NPAS3: variants seen among roughly 807,000 people sequenced by gnomAD.
The protein encoded by NPAS3 is neuronal PAS domain-containing protein 3.
A neutral mutation model predicts 73.1 loss-of-function variants in NPAS3; 14 were observed. That is an observed-to-expected ratio of 0.19 (90% CI 0.13 to 0.30). NPAS3 has a LOEUF of 0.30. Ranked by LOEUF, NPAS3 falls within the 10% of genes least tolerant of loss-of-function variation. The pLI is 1.00. For synonymous variants in NPAS3, 620 were observed against 541.5 expected, an observed-to-expected ratio of 1.14 and a Z score of -2.01; for missense variants, 1,096 against 1,250.0, an observed-to-expected ratio of 0.88 and a Z score of 1.86.
chr14:33,010,207 T>G (rs1333272312), intron 1 of NPAS3, among the ~76,000 whole-genome samples: 1 of 152,262 alleles, frequency 6.6e-6, no homozygotes, highest in Non-Finnish European at 1.5e-5. Flanking sequence ...GGAGATGTTG[T>G]ATAGTTAGCA....
At chr14:33,354,755 C>T (rs182620930) in intron 3 of NPAS3, among the ~76,000 whole-genome samples, 136 of 152,296 alleles carry the variant, frequency 8.9e-4, no homozygotes, top group South Asian at 3.5e-3. Flanking sequence ...ACTCATACTG[C>T]GCTCTGGCTT....
At chr14:33,111,917 T>C (rs1192959686) in intron 2 of NPAS3, among the ~76,000 whole-genome samples, 2 of 149,100 alleles carry the variant, frequency 1.3e-5, no homozygotes, top group Non-Finnish European at 3.0e-5. Flanking sequence ...GAACATGCGG[T>C]GTTTGGTTTT....
chr14:33,537,282 G>T (rs1305990725), intron 4 of NPAS3, among the ~76,000 whole-genome samples: 1 of 152,196 alleles, frequency 6.6e-6, no homozygotes, highest in African/African-American at 2.4e-5. Context: ...ACTGATGGCA[G>T]CTTCCCTAAT....
At chr14:33,202,747 T>A (rs1333535591) in intron 2 of NPAS3, among the ~76,000 whole-genome samples, 2 of 151,916 alleles carry the variant, frequency 1.3e-5, no homozygotes, top group African/African-American at 2.4e-5. Flanking sequence ...ACATGTATGA[T>A]TTCTTCTGAT....
At chr14:33,269,917 A>T (rs1478233426) in intron 3 of NPAS3, among the ~76,000 whole-genome samples, 1 of 152,178 alleles carries the variant, frequency 6.6e-6, no homozygotes, top group East Asian at 1.9e-4. Flanking sequence ...ATACTTTAAC[A>T]GAGGTGTCTT....
At chr14:33,452,234 G>A (rs1160054161) in intron 4 of NPAS3, among the ~76,000 whole-genome samples, 2 of 152,138 alleles carry the variant, frequency 1.3e-5, no homozygotes, top group South Asian at 2.1e-4. Flanking sequence ...ATGGGGCTGG[G>A]CATTGTTAAA....
At chr14:33,444,133 A>G (rs2049376510) in intron 4 of NPAS3, among the ~76,000 whole-genome samples, 1 of 152,146 alleles carries the variant, frequency 6.6e-6, no homozygotes, top group Admixed American at 6.5e-5. Context: ...CTAGTCATGG[A>G]ATTATGTCTG....
chr14:33,140,533 GTTC>G (rs1156610442), intron 2 of NPAS3, among the ~76,000 whole-genome samples: 1 of 152,012 alleles, frequency 6.6e-6, no homozygotes, highest in Non-Finnish European at 1.5e-5. Context: ...ATTTATCTCT[GTTC>G]TTCTGTGAAT....
chr14:33,199,955 T>G (rs151255848), intron 2 of NPAS3, among the ~76,000 whole-genome samples: 3 of 152,240 alleles, frequency 2.0e-5, no homozygotes, highest in African/African-American at 7.2e-5. Flanking sequence ...ATTGCACTAA[T>G]AAAAACAAAG....
chr14:33,566,203 G>A lies in NPAS3; in HGVS notation c.558+5993G>A, dbSNP rs114533551. Among the ~76,000 whole-genome samples, 10 of 149,850 alleles carry A rather than the reference G, an allele frequency of 6.7e-5. No homozygotes were observed. The South Asian group carries it at 1.5e-3, about 23-fold the overall frequency. On this transcript the variant is annotated intron_variant, in intron 5 of 11. Transcript: ENST00000356141. ...AAGGGCACTTTGAAAAGCAAATAGC[G>A]ACCTGGTGAAGAAATTGATTTTTCC... is the stretch of plus-strand genomic sequence containing the variant.
intron 2 of NPAS3, among the ~76,000 whole-genome samples, chr14:33,213,259 G>A (rs914451567): frequency 1.3e-5 from 2 of 151,946 alleles, no homozygotes; most frequent in Admixed American, 6.6e-5. Context: ...TGTAAGTTTA[G>A]CCCACCTTCT....
chr14:33,707,022 G>C (rs947830303), intron 6 of NPAS3, among the ~76,000 whole-genome samples: 1 of 152,194 alleles, frequency 6.6e-6, no homozygotes, highest in Non-Finnish European at 1.5e-5. Flanking sequence ...AAAATATTAT[G>C]TGTCCTCTAT....
chr14:33,660,927 G>T (rs905504692), intron 5 of NPAS3, among the ~76,000 whole-genome samples: 47 of 152,094 alleles, frequency 3.1e-4, no homozygotes, highest in African/African-American at 9.9e-4. Flanking sequence ...TAATACTTGT[G>T]TTTCTTCAGT....
chr14:33,677,544 A>G (rs1274328143), intron 6 of NPAS3, among the ~76,000 whole-genome samples: 4 of 152,216 alleles, frequency 2.6e-5, no homozygotes, highest in Non-Finnish European at 5.9e-5. Flanking sequence ...TAACATTAAA[A>G]TAACTCAACA....
chr14:33,006,567 C>T (rs1443071990), intron 1 of NPAS3, among the ~76,000 whole-genome samples: 6 of 152,120 alleles, frequency 3.9e-5, no homozygotes, highest in Non-Finnish European at 7.4e-5. Context: ...TTACTAAACA[C>T]ATCTAAAAAG....
At chr14:33,266,496 T>G (rs1428797578) in intron 3 of NPAS3, among the ~76,000 whole-genome samples, 2 of 152,218 alleles carry the variant, frequency 1.3e-5, no homozygotes, top group African/African-American at 2.4e-5. Context: ...GCCATTTTAC[T>G]GCTTCAGGAA....
At chr14:33,303,426 T>C (rs866261361) in intron 3 of NPAS3, among the ~76,000 whole-genome samples, 1 of 144,964 alleles carries the variant, frequency 6.9e-6, no homozygotes, top group Non-Finnish European at 1.5e-5. Flanking sequence ...CTAACTCTTA[T>C]TCACACTAAA....
chr14:33,472,871 A>G (rs547243434), intron 4 of NPAS3, among the ~76,000 whole-genome samples: 11 of 150,828 alleles, frequency 7.3e-5, no homozygotes, highest in Non-Finnish European at 1.5e-4. Flanking sequence ...ATATTATTTT[A>G]CTTTCCAAAA....
intron 4 of NPAS3, among the ~76,000 whole-genome samples, chr14:33,541,956 C>G (rs1308282203): frequency 2.0e-5 from 3 of 152,112 alleles, no homozygotes; most frequent in South Asian, 2.1e-4. Flanking sequence ...TTATAGACAT[C>G]TCACTGAGGC....
Sources: allele counts gnomAD v4.1 joint callset (sites outside exome capture counted in the v4.1 genomes callset), GRCh38; gene constraint gnomAD v4.1.1; transcripts MANE v1.5; gene names NCBI Gene and HGNC (gene_info 2026-07-23, HGNC 2026-07-21).